MBNL1: variants seen among roughly 807,000 people sequenced by gnomAD.
MBNL1 encodes muscleblind like splicing regulator 1, also known as muscleblind-like protein 1.
MBNL1 carries 8 observed loss-of-function variants against 42.2 expected under a neutral mutation model. The observed-to-expected ratio is 0.19, with a 90% CI of 0.11 to 0.34. The LOEUF is 0.34. Among genes scored for constraint, MBNL1 ranks in the 10% least tolerant of loss-of-function variants. The pLI is 1.00. For synonymous variants in MBNL1, 169 were observed against 173.9 expected (o/e 0.97, Z 0.22); for missense variants, 309 against 495.3 (o/e 0.62, Z 3.57).
intron 2 of MBNL1, among the ~76,000 whole-genome samples, chr3:152,381,253 A>T (rs1363444239): frequency 6.6e-6 from 1 of 152,050 alleles, no homozygotes; most frequent in Non-Finnish European, 1.5e-5. Context: ...ATATGGCTAT[A>T]TGTAAAGGTA....
chr3:152,432,182 C>T (rs2099015962), intron 3 of MBNL1, among the ~76,000 whole-genome samples: 1 of 152,200 alleles, frequency 6.6e-6, no homozygotes, highest in Admixed American at 6.5e-5. Flanking sequence ...TCATCATCAC[C>T]TTTCACATAC....
At chr3:152,444,558 TTC>T (rs1345691304) in intron 4 of MBNL1, among the ~76,000 whole-genome samples, 1 of 152,198 alleles carries the variant, frequency 6.6e-6, no homozygotes, top group East Asian at 1.9e-4. Flanking sequence ...ACCCAAGAGT[TTC>T]TGTCTACGCT....
At chr3:152,329,710 A>T (rs951469610) in intron 2 of MBNL1, among the ~76,000 whole-genome samples, 4 of 146,468 alleles carry the variant, frequency 2.7e-5, no homozygotes, top group Middle Eastern at 3.6e-3. Context: ...TATATATATA[A>T]TATATATGTC....
chr3:152,334,950 G>A (rs1446154234), intron 2 of MBNL1, among the ~76,000 whole-genome samples: 1 of 152,078 alleles, frequency 6.6e-6, no homozygotes, highest in Non-Finnish European at 1.5e-5. Flanking sequence ...CAGACGTACG[G>A]GCAAACTCTC....
intron 7 of MBNL1, among the ~76,000 whole-genome samples, 188 bp from the exon 8 acceptor site, chr3:152,456,079 C>T (rs1384209424): frequency 6.6e-6 from 1 of 151,994 alleles, no homozygotes; most frequent in African/African-American, 2.4e-5. Context: ...CATCCCTCCT[C>T]CCCTTCTCTC....
chr3:152,298,249 T>C (rs2059449885), intron 1 of MBNL1, among the ~76,000 whole-genome samples: 1 of 152,240 alleles, frequency 6.6e-6, no homozygotes, highest in African/African-American at 2.4e-5. Context: ...AAAATTTTAC[T>C]TTTTAAAGCC....
chr3:152,334,450 G>A (rs183073985), intron 2 of MBNL1, among the ~76,000 whole-genome samples: 60 of 152,212 alleles, frequency 3.9e-4, no homozygotes, highest in African/African-American at 1.1e-3. Flanking sequence ...TGGTTAAGTC[G>A]AACGCCACTA....
intron 1 of MBNL1, among the ~76,000 whole-genome samples, chr3:152,296,365 G>T (rs996623039): frequency 2.6e-5 from 4 of 152,168 alleles, no homozygotes; most frequent in African/African-American, 9.7e-5. Flanking sequence ...GCTTGTGGAA[G>T]CTTAACTGTG....
At position 152,394,311 on chromosome 3, in the gene MBNL1, G is replaced by A. The variant is rs930077137; in HGVS notation, c.175-20630G>A. 9.8e-5 allele frequency among the ~76,000 whole-genome samples: 15 copies of A among 152,326 alleles called. No homozygotes were observed. The South Asian group carries it at 1.0e-3, about 11-fold the overall frequency. Reference sequence around the variant, plus strand: ...TGACTATTTATATACAGTGAGAAGAGTCTTTCACAGACTGTTTGCTTAATT... The same window carrying A: ...TGACTATTTATATACAGTGAGAAGAATCTTTCACAGACTGTTTGCTTAATT... On this transcript the variant is annotated intron_variant, in intron 2 of 9. Coordinates refer to ENST00000324210, the MANE Select transcript of MBNL1 (RefSeq NM_021038.5).
At chr3:152,328,731 C>T (rs1243726381) in intron 2 of MBNL1, among the ~76,000 whole-genome samples, 3 of 152,034 alleles carry the variant, frequency 2.0e-5, no homozygotes, top group African/African-American at 7.2e-5. Context: ...GAAATCTTAG[C>T]CCTTTAATTG....
At chr3:152,283,554 A>C (rs1429541233) in intron 1 of MBNL1, among the ~76,000 whole-genome samples, 1 of 152,290 alleles carries the variant, frequency 6.6e-6, no homozygotes, top group Admixed American at 6.5e-5. Flanking sequence ...GATCCCATAC[A>C]CTGTCTTATT....
intron 3 of MBNL1, among the ~76,000 whole-genome samples, chr3:152,421,440 A>C (rs901291820): frequency 6.6e-6 from 1 of 152,202 alleles, no homozygotes; most frequent in Non-Finnish European, 1.5e-5. Context: ...CCAGCCTAGC[A>C]GTCTGAAGTC....
chr3:152,320,419 G>A (rs1276501408), intron 2 of MBNL1, among the ~76,000 whole-genome samples: 1 of 152,080 alleles, frequency 6.6e-6, no homozygotes, highest in African/African-American at 2.4e-5. Context: ...TGTTTTGTAT[G>A]TTATCTTGTG....
At chr3:152,273,663 C>T (rs2043200551) in intron 1 of MBNL1, among the ~76,000 whole-genome samples, 1 of 151,934 alleles carries the variant, frequency 6.6e-6, no homozygotes, top group Non-Finnish European at 1.5e-5. Flanking sequence ...GAAATGTAGC[C>T]ATATTGGACA....
At chr3:152,315,354 A>G (rs766364597) in intron 2 of MBNL1, among the ~76,000 whole-genome samples, 1 of 152,178 alleles carries the variant, frequency 6.6e-6, no homozygotes. Flanking sequence ...GTCATGTTTT[A>G]TTGAGAAAAA....
At chr3:152,249,139 G>A (rs1377560474) in intron 2 of MBNL1, among the ~76,000 whole-genome samples, 1 of 133,534 alleles carries the variant, frequency 7.5e-6, no homozygotes, top group African/African-American at 2.8e-5. Flanking sequence ...ACCCAGTAAT[G>A]GGATGGCTGG....
intron 2 of MBNL1, among the ~76,000 whole-genome samples, chr3:152,255,891 G>T (rs551691709): frequency 6.6e-6 from 1 of 152,172 alleles, no homozygotes; most frequent in Admixed American, 6.5e-5. Context: ...ATTGACCAGC[G>T]CAAGGGCCAG....
intron 1 of MBNL1, among the ~76,000 whole-genome samples, chr3:152,295,578 C>G (rs551738794): frequency 6.6e-6 from 1 of 152,292 alleles, no homozygotes; most frequent in Non-Finnish European, 1.5e-5. Flanking sequence ...ATGGAAGACA[C>G]TGGACCTACA....
At chr3:152,446,615 C>A in intron 5 of MBNL1, 1 of 930,374 alleles carries the variant, frequency 1.1e-6, no homozygotes, top group South Asian at 1.4e-5. Flanking sequence ...ACTGCTGCCC[C>A]CATGATGCAC....
Sources: gnomAD v4.1 joint callset for allele counts (sites outside exome capture counted in the v4.1 genomes callset) on GRCh38, gnomAD v4.1.1 for gene constraint, MANE v1.5 for transcripts, NCBI Gene and HGNC (gene_info 2026-07-23, HGNC 2026-07-21) for gene names.